SIMC1: variants seen among roughly 807,000 people sequenced by gnomAD.
SIMC1 encodes the protein SUMO interacting motifs containing 1, also known as SUMO-interacting motif-containing protein 1.
A neutral mutation model predicts 82.3 loss-of-function variants in SIMC1; 55 were observed. The ratio of observed to expected loss-of-function variants is 0.67; its 90% CI spans 0.54 to 0.84. The LOEUF is 0.84. SIMC1 is among the 40% of genes least tolerant of loss of function. The probability of loss-of-function intolerance (pLI) is 0.00; values close to 1 mark genes in which losing one functional copy is unlikely to be tolerated. For synonymous variants in SIMC1, 353 were observed against 426.3 expected, an observed-to-expected ratio of 0.83 and a Z score of 2.12; for missense variants, 915 against 1,107.2, an observed-to-expected ratio of 0.83 and a Z score of 2.46.
At chr5:176,312,587 A>G (rs879636431) in intron 4 of SIMC1, among the ~76,000 whole-genome samples, 1 of 152,154 alleles carries the variant, frequency 6.6e-6, no homozygotes, top group Non-Finnish European at 1.5e-5. Flanking sequence ...GATTTTTTAA[A>G]AAAGCATTTG....
chr5:176,294,959 C>G, intron 2 of SIMC1, 71 bp from the exon 3 acceptor site: 1 of 1,433,466 alleles, frequency 7.0e-7, no homozygotes, highest in African/African-American at 1.7e-5. Flanking sequence ...AGCAAGACTC[C>G]GTCTCAAAAA....
At position 176,324,151 on chromosome 5, in the gene SIMC1, T is replaced by G. The variant is rs553312744; in HGVS notation, c.2043-478T>G. Among the ~76,000 whole-genome samples, 8 of 151,872 alleles carry G rather than the reference T, an allele frequency of 5.3e-5. 1 individual carries two copies. The South Asian group carries it at 1.7e-3, about 32-fold the overall frequency. On this transcript the variant is annotated intron_variant, in intron 6 of 9. Transcript: ENST00000429602. ...GAAGGTCAGGTTCCACCAGGGGAGGTTCTGAGACCGAACTTAGTAAGAAGC... is the reference window on the plus strand; with the variant it reads ...GAAGGTCAGGTTCCACCAGGGGAGGGTCTGAGACCGAACTTAGTAAGAAGC...
At chr5:176,286,548 A>G (rs1763294785) in intron 1 of SIMC1, among the ~76,000 whole-genome samples, 1 of 152,244 alleles carries the variant, frequency 6.6e-6, no homozygotes. Context: ...AAGAAAACCT[A>G]GGCAATACCA....
chr5:176,300,253 A>T (rs1468573949), intron 4 of SIMC1, among the ~76,000 whole-genome samples: 1 of 152,212 alleles, frequency 6.6e-6, no homozygotes, highest in Admixed American at 6.5e-5. Context: ...AATAGTAAAG[A>T]TTAGAGCAGA....
rs374074121 is a variant in SIMC1 at position 176,322,281 on chromosome 5, T to G, written c.1898T>G (p.Ile633Ser). The G allele has an allele frequency of 6.9e-5, 108 of 1,561,242 alleles. No homozygotes were observed. Among genetic ancestry groups the G allele is most frequent in the Non-Finnish European group, 8.8e-5 (101 of 1,151,980 alleles). The change falls in exon 6 of 10, where the codon ATC (isoleucine) becomes AGC (serine). Residue 633 changes from isoleucine to serine, a missense_variant. Transcript: ENST00000429602. ...DKQPHNVRDVIKWLVKAVTED... is the reference protein window; with the variant it reads ...DKQPHNVRDVSKWLVKAVTED... ...TCTTTTTTCCATTACAGGGATGTTA[T>G]CAAGTGGCTGGTCAAAGCAGTAACT... is the stretch of plus-strand genomic sequence containing the variant.
At chr5:176,305,137 G>GCGGGGGT (rs1491389294) in intron 4 of SIMC1, among the ~76,000 whole-genome samples, 27 of 11,638 alleles carry the variant, frequency 2.3e-3, no homozygotes, top group Admixed American at 7.8e-3. Flanking sequence ...CCATCCAGGA[G>GCGGGGGT]GGGGGGGGGG....
chr5:176,260,237 A>G (rs1442519456), intron 1 of SIMC1, among the ~76,000 whole-genome samples: 2 of 152,134 alleles, frequency 1.3e-5, no homozygotes, highest in South Asian at 2.1e-4. Context: ...CAAACATCGT[A>G]TGTTCTCCCT....
At chr5:176,334,576 A>G (rs1448268258) in intron 7 of SIMC1, among the ~76,000 whole-genome samples, 2 of 152,102 alleles carry the variant, frequency 1.3e-5, no homozygotes, top group East Asian at 1.9e-4. Context: ...TCCCCTACAC[A>G]TGTGCCAACA....
chr5:176,259,831 G>A (rs1026765212), intron 1 of SIMC1, among the ~76,000 whole-genome samples: 4 of 151,534 alleles, frequency 2.6e-5, no homozygotes, highest in Non-Finnish European at 5.9e-5. Context: ...GTAAGAACCT[G>A]CCCCTATCTA....
rs1561696071 is a variant in SIMC1, at chr5:176,288,427, A to AATG, written c.130-1226_130-1225insTGA. Among the ~76,000 whole-genome samples, 331 of 101,588 alleles carry AATG rather than the reference A, an allele frequency of 3.3e-3. 3 individuals carry two copies. Among genetic ancestry groups the AATG allele is most frequent in the African/African-American group, 0.01 (317 of 31,196 alleles). The allele number at this position is 101,588 out of a possible 152,430, so 66.6% of individuals were successfully genotyped here. A position where few individuals can be genotyped will look rare whatever the true frequency, so the allele number is the denominator to read the frequency against. On this transcript the variant is annotated intron_variant, in intron 1 of 9. Transcript: ENST00000429602. ...CCATCTCAAGAATGAATGAATGAAT[A>AATG]AATAAATAAATAAATAAATAAATAA...
intron 4 of SIMC1, among the ~76,000 whole-genome samples, chr5:176,302,839 A>C (rs1764100324): frequency 6.6e-6 from 1 of 152,184 alleles, no homozygotes; most frequent in Non-Finnish European, 1.5e-5. Flanking sequence ...TCAGGCATAA[A>C]CCTAACCAAG....
chr5:176,249,235 G>GC (rs1461509574), intron 1 of SIMC1, among the ~76,000 whole-genome samples: 1 of 151,954 alleles, frequency 6.6e-6, no homozygotes, highest in Non-Finnish European at 1.5e-5. Flanking sequence ...CTGGTCCTGG[G>GC]CTTTTTTTGG....
At chr5:176,285,136 A>G (rs1470198157) in intron 1 of SIMC1, among the ~76,000 whole-genome samples, 3 of 152,352 alleles carry the variant, frequency 2.0e-5, no homozygotes, top group African/African-American at 7.2e-5. Context: ...AACTCATTTT[A>G]TGAGGCCAGC....
chr5:176,241,632 A>C (rs1875178), intron 1 of SIMC1, among the ~76,000 whole-genome samples: 4 of 151,964 alleles, frequency 2.6e-5, no homozygotes, highest in African/African-American at 9.7e-5. Flanking sequence ...ATTTACATGT[A>C]ACATTTGACT....
intron 2 of SIMC1, among the ~76,000 whole-genome samples, chr5:176,292,793 G>A (rs1470842598): frequency 1.9e-4 from 29 of 152,060 alleles, no homozygotes; most frequent in African/African-American, 7.0e-4. Context: ...CGCCCACCTC[G>A]GCCTCCCAAA....
intron 1 of SIMC1, among the ~76,000 whole-genome samples, chr5:176,259,652 A>G (rs1761951295): frequency 2.0e-5 from 3 of 151,758 alleles, no homozygotes; most frequent in Admixed American, 2.0e-4. Flanking sequence ...ACGCGCCTGT[A>G]GTCCCACCTA....
intron 1 of SIMC1, among the ~76,000 whole-genome samples, chr5:176,262,393 A>G (rs779607348): frequency 6.1e-4 from 93 of 152,306 alleles, no homozygotes; most frequent in Non-Finnish European, 1.1e-3. Context: ...CTAATGGTGA[A>G]AAACTTGAAG....
chr5:176,339,379 G>T (rs923617384), intron 9 of SIMC1, among the ~76,000 whole-genome samples: 3 of 151,960 alleles, frequency 2.0e-5, no homozygotes, highest in Non-Finnish European at 4.4e-5. Flanking sequence ...AAATAAAAGA[G>T]TATGTTGTCC....
chr5:176,306,507 G>T (rs975223807), intron 4 of SIMC1, among the ~76,000 whole-genome samples: 1 of 147,390 alleles, frequency 6.8e-6, no homozygotes, highest in Non-Finnish European at 1.5e-5. Flanking sequence ...GAAATCGGAT[G>T]GTTGCCGTGT....
Sources: allele counts gnomAD v4.1 joint callset (sites outside exome capture counted in the v4.1 genomes callset), GRCh38; gene constraint gnomAD v4.1.1; transcripts MANE v1.5; gene names NCBI Gene and HGNC (gene_info 2026-07-23, HGNC 2026-07-21).